The following KDM6A variants were observed in gnomAD, a reference collection of about 807,000 sequenced individuals.
KDM6A encodes lysine demethylase 6A, also known as lysine-specific demethylase 6A.
A neutral mutation model predicts 117.6 loss-of-function variants in KDM6A; 11 were observed. The observed-to-expected ratio is 0.09, with a 90% CI of 0.06 to 0.15. The LOEUF (loss-of-function observed/expected upper bound fraction) is 0.15. Ranked by LOEUF, KDM6A falls within the 10% of genes least tolerant of loss-of-function variation. KDM6A has a pLI of 1.00. For missense variants in KDM6A, 799 were observed against 1,077.3 expected (o/e 0.74, Z 3.62); for synonymous variants, 384 against 396.1 (o/e 0.97, Z 0.36).
chrX:44,884,364 G>A (rs1415286627), intron 2 of KDM6A, among the ~76,000 whole-genome samples: 1 of 110,542 alleles, frequency 9.0e-6, no homozygotes. Context: ...AGAAGGATAT[G>A]GTGTAAGGGA....
chrX:44,956,344 A>G (rs2038322377), intron 2 of KDM6A, among the ~76,000 whole-genome samples: 1 of 111,608 alleles, frequency 9.0e-6, no homozygotes, highest in Non-Finnish European at 1.9e-5. Flanking sequence ...AATTTGGGCC[A>G]TGAATATTTT....
intron 2 of KDM6A, among the ~76,000 whole-genome samples, chrX:44,877,002 TAC>T (rs758719203): frequency 1.1e-3 from 122 of 110,782 alleles, no homozygotes; most frequent in Middle Eastern, 4.6e-3. Context: ...CATACGTATA[TAC>T]ACACGTATAC....
chrX:45,024,702 A>G (rs1416930905), intron 6 of KDM6A, among the ~76,000 whole-genome samples: 6 of 111,368 alleles, frequency 5.4e-5, no homozygotes, highest in African/African-American at 2.0e-4. Flanking sequence ...ATTCTTGGTC[A>G]TGAACTCTTT....
chrX:45,098,710 T>C (rs1476352328), intron 27 of KDM6A, among the ~76,000 whole-genome samples: 1 of 112,212 alleles, frequency 8.9e-6, no homozygotes, highest in Non-Finnish European at 1.9e-5. Flanking sequence ...AGGCAATCAC[T>C]GCTAAGGTAT....
intron 2 of KDM6A, among the ~76,000 whole-genome samples, chrX:44,931,139 A>C (rs867282131): frequency 9.0e-6 from 1 of 110,947 alleles, no homozygotes; most frequent in African/African-American, 3.3e-5. Context: ...TGCAAGGCTC[A>C]CTGCAACCTC....
intron 3 of KDM6A, among the ~76,000 whole-genome samples, chrX:44,973,193 A>C (rs1404115386): frequency 9.0e-6 from 1 of 111,572 alleles, no homozygotes; most frequent in Non-Finnish European, 1.9e-5. Flanking sequence ...TTATCTGGGT[A>C]TTTGGTCCTC....
rs1010627508 is a variant in KDM6A at position 44,990,258 on chromosome X, G to A, written c.384+15543G>A. Among the ~76,000 whole-genome samples the A allele has an allele frequency of 4.5e-5, 5 of 111,790 alleles. No individual in the cohort carries two copies. The South Asian group carries it at 1.5e-3, about 33-fold the overall frequency. On this transcript the variant is annotated intron_variant, in intron 4 of 29. Coordinates refer to ENST00000611820, the MANE Select transcript of KDM6A (RefSeq NM_001291415.2). The stretch of plus-strand genomic sequence containing the variant: ...CTTTGTATTTTAAAAACAAACTGTC[G>A]CTGGGCACAGTGTCTCATGCCTGTA...
chrX:44,981,473 C>A (rs2039904714), intron 4 of KDM6A, among the ~76,000 whole-genome samples: 1 of 111,833 alleles, frequency 8.9e-6, no homozygotes, highest in Non-Finnish European at 1.9e-5. Flanking sequence ...CTAGGGACTT[C>A]CGCTTGTGCA....
intron 8 of KDM6A, among the ~76,000 whole-genome samples, chrX:45,047,230 T>A (rs545746560): frequency 9.1e-6 from 1 of 109,669 alleles, no homozygotes. Flanking sequence ...GGGGTTTGAT[T>A]TTTTTTTTAT....
intron 2 of KDM6A, among the ~76,000 whole-genome samples, chrX:44,939,058 A>G (rs1338099788): frequency 8.9e-6 from 1 of 112,628 alleles, no homozygotes; most frequent in Non-Finnish European, 1.9e-5. Context: ...AAATGTGTTC[A>G]TGCCTGCTAA....
intron 5 of KDM6A, among the ~76,000 whole-genome samples, chrX:45,020,059 C>A (rs1047458004): frequency 1.4e-4 from 16 of 111,433 alleles, no homozygotes; most frequent in African/African-American, 5.2e-4. Flanking sequence ...ATGGTCATTT[C>A]TACAAATGGT....
chrX:44,955,792 CT>C (rs1884171133), intron 2 of KDM6A, among the ~76,000 whole-genome samples: 1 of 110,725 alleles, frequency 9.0e-6, no homozygotes, highest in Admixed American at 9.7e-5. Context: ...AACCATAATT[CT>C]TTTTTAATTT....
chrX:45,056,299 T>C (rs934404321), intron 10 of KDM6A, among the ~76,000 whole-genome samples: 3 of 111,785 alleles, frequency 2.7e-5, no homozygotes, highest in African/African-American at 9.7e-5. Flanking sequence ...TATGAATGAA[T>C]TATGTTTTAG....
chrX:45,055,662 A>G (rs2044040412), intron 10 of KDM6A, among the ~76,000 whole-genome samples: 1 of 111,850 alleles, frequency 8.9e-6, no homozygotes, highest in Admixed American at 9.5e-5. Flanking sequence ...TTTTGGAGCT[A>G]GCACTATTAC....
chrX:45,090,590 A>G, intron 26 of KDM6A, 133 bp from the exon 27 acceptor site: 1 of 660,921 alleles, frequency 1.5e-6, no homozygotes, highest in Non-Finnish European at 2.3e-6. Context: ...ATCATAAAGC[A>G]TAAAAATTAT....
intron 1 of KDM6A, 95 bp from the exon 2 acceptor site, chrX:44,873,829 C>T (rs2031127755): frequency 5.2e-6 from 6 of 1,144,015 alleles, no homozygotes; most frequent in Non-Finnish European, 7.1e-6. Context: ...GTTTGGCGCT[C>T]TTCGCGCCGC....
At chrX:44,927,581 C>G (rs948925458) in intron 2 of KDM6A, among the ~76,000 whole-genome samples, 1 of 110,554 alleles carries the variant, frequency 9.0e-6, no homozygotes, top group Non-Finnish European at 1.9e-5. Flanking sequence ...GTCTACTCAC[C>G]TGGCTCAATG....
rs1056458996 is a variant in KDM6A, at chrX:45,066,832, T to A, written c.2080-2747T>A. On this transcript the variant is annotated intron_variant, in intron 17 of 29. Transcript: ENST00000611820. ...CAGTTGGCAGGCCACGAGGCTTCTG[T>A]AATTTACCATACTAAGTAGCAGGGA... is the stretch of plus-strand genomic sequence containing the variant. Among the ~76,000 whole-genome samples, 4 of 112,171 alleles carry A rather than the reference T, an allele frequency of 3.6e-5. No individual in the cohort carries two copies. The Admixed American group carries it at 3.8e-4, about 11-fold the overall frequency.
At chrX:45,047,755 C>T (rs1471571857) in intron 8 of KDM6A, among the ~76,000 whole-genome samples, 8 of 86,892 alleles carry the variant, frequency 9.2e-5, no homozygotes, top group Non-Finnish European at 1.7e-4. Context: ...ATAATTTTGG[C>T]TCACCACAAC....
Sources: gnomAD v4.1 joint callset for allele counts (sites outside exome capture counted in the v4.1 genomes callset) on GRCh38, gnomAD v4.1.1 for gene constraint, MANE v1.5 for transcripts, NCBI Gene and HGNC (gene_info 2026-07-23, HGNC 2026-07-21) for gene names.